FGFR1OP2: variants seen among roughly 807,000 people sequenced by gnomAD.
FGFR1OP2 encodes FGFR1 oncogene partner 2.
Under a neutral mutation model 35.2 loss-of-function variants are expected in FGFR1OP2, and 17 were observed. That is an observed-to-expected ratio of 0.48 (90% CI 0.33 to 0.73). FGFR1OP2 has a LOEUF of 0.73. Ranked by LOEUF, FGFR1OP2 falls within the 30% of genes least tolerant of loss-of-function variation. The pLI, the probability that FGFR1OP2 is intolerant of heterozygous loss-of-function variation, is 0.02. For missense variants in FGFR1OP2, 251 were observed against 307.3 expected (o/e 0.82, Z 1.37); for synonymous variants, 105 against 104.6 (o/e 1.00, Z -0.03).
At chr12:26,956,858 T>C (rs1939030051) in intron 3 of FGFR1OP2, among the ~76,000 whole-genome samples, 198 bp downstream of exon 3, 1 of 152,154 alleles carries the variant, frequency 6.6e-6, no homozygotes, top group Non-Finnish European at 1.5e-5. Flanking sequence ...TCCCACTGCA[T>C]TGGCCCCCAG....
At chr12:26,939,374 G>T (rs1938670116) in intron 1 of FGFR1OP2, among the ~76,000 whole-genome samples, 1 of 150,796 alleles carries the variant, frequency 6.6e-6, no homozygotes, top group Non-Finnish European at 1.5e-5. Context: ...TTTAGTAACC[G>T]TATTGCTGAC....
chr12:26,954,420 G>A (rs1938987354), intron 2 of FGFR1OP2, 127 bp downstream of exon 2: 1 of 1,134,278 alleles, frequency 8.8e-7, no homozygotes, highest in Non-Finnish European at 1.2e-6. Flanking sequence ...TGACTTGTGT[G>A]TTTCAGGTTT....
At chr12:26,939,281 C>A (rs1592243529) in intron 1 of FGFR1OP2, among the ~76,000 whole-genome samples, 6 of 152,096 alleles carry the variant, frequency 3.9e-5, no homozygotes, top group Admixed American at 3.3e-4. Flanking sequence ...CTCTGCCCCC[C>A]GCCCTCCACT....
chr12:26,941,748 T>G (rs1188828614), intron 1 of FGFR1OP2, among the ~76,000 whole-genome samples: 9 of 152,378 alleles, frequency 5.9e-5, no homozygotes, highest in Admixed American at 5.2e-4. Context: ...TTTTTTATTC[T>G]TTAAAATCTG....
chr12:26,948,241 A>G (rs992969992), intron 1 of FGFR1OP2, among the ~76,000 whole-genome samples: 2 of 152,236 alleles, frequency 1.3e-5, no homozygotes, highest in African/African-American at 4.8e-5. Context: ...CCAGATATTT[A>G]CAATTTCAGT....
In FGFR1OP2 at chr12:26,966,183, CATT is replaced by C. The variant is rs1221567205; in HGVS notation, c.*1453_*1455del. Reference sequence around the variant, plus strand: ...AATAGAAAAGGGCTAATGGCCCAAACATTATATAGATTTCTTTTTTTCAGTCAG... The same window carrying C: ...AATAGAAAAGGGCTAATGGCCCAAACATATAGATTTCTTTTTTTCAGTCAG... On this transcript the variant is annotated 3_prime_UTR_variant, in exon 7 of 7. Coordinates refer to ENST00000229395, the MANE Select transcript of FGFR1OP2 (RefSeq NM_015633.3). The C allele has an allele frequency of 1.3e-5, 2 of 151,936 alleles. No individual in the cohort carries two copies. The highest frequency in any genetic ancestry group is 4.8e-5 in the African/African-American group (2 of 41,390). The allele number at this position is 151,936 out of a possible 1,614,324, so 9.4% of individuals were successfully genotyped here. A position where few individuals can be genotyped will look rare whatever the true frequency, so the allele number is the denominator to read the frequency against.
intron 4 of FGFR1OP2, among the ~76,000 whole-genome samples, chr12:26,958,783 T>G (rs1246776888): frequency 1.3e-5 from 2 of 152,198 alleles, no homozygotes; most frequent in Non-Finnish European, 2.9e-5. Context: ...GAATAATCCT[T>G]TCTCACATAT....
intron 1 of FGFR1OP2, among the ~76,000 whole-genome samples, chr12:26,949,562 A>G (rs749684707): frequency 6.6e-6 from 1 of 151,752 alleles, no homozygotes; most frequent in African/African-American, 2.4e-5. Context: ...GAAATGTTTC[A>G]TGGAGTAGTA....
chr12:26,944,160 G>C (rs1293668130), intron 1 of FGFR1OP2, among the ~76,000 whole-genome samples: 1 of 152,110 alleles, frequency 6.6e-6, no homozygotes, highest in East Asian at 1.9e-4. Flanking sequence ...TCATGTAGTA[G>C]TTTTAGGAGT....
At chr12:26,941,099 A>AG (rs1938726886) in intron 1 of FGFR1OP2, among the ~76,000 whole-genome samples, 1 of 150,982 alleles carries the variant, frequency 6.6e-6, no homozygotes, top group African/African-American at 2.4e-5. Context: ...AGAAAAAAAA[A>AG]TTTTTTAACT....
intron 1 of FGFR1OP2, among the ~76,000 whole-genome samples, chr12:26,947,325 G>A (rs1938844532): frequency 6.6e-6 from 1 of 152,128 alleles, no homozygotes; most frequent in Non-Finnish European, 1.5e-5. Context: ...TTCAGTGATG[G>A]CTAGTTATGT....
chr12:26,964,791 A>T lies in FGFR1OP2; in HGVS notation c.*58A>T. ...CTCCAAATGGTCAAATAAGTGAATG[A>T]ATGAATGGACAGAAAATTCAATCCT... On this transcript the variant is annotated 3_prime_UTR_variant, in exon 7 of 7. Coordinates refer to ENST00000229395, the MANE Select transcript of FGFR1OP2 (RefSeq NM_015633.3). 6.4e-7 allele frequency: 1 copy of T among 1,559,010 alleles called. No individual in the cohort carries two copies. Among genetic ancestry groups the T allele is most frequent in the Non-Finnish European group, 8.7e-7 (1 of 1,144,712 alleles).
chr12:26,952,417 A>T (rs1318977075), intron 1 of FGFR1OP2, among the ~76,000 whole-genome samples: 1 of 151,954 alleles, frequency 6.6e-6, no homozygotes, highest in Non-Finnish European at 1.5e-5. Flanking sequence ...TACTCCTCAT[A>T]TTTTCAAGCA....
intron 2 of FGFR1OP2, 90 bp downstream of exon 2, chr12:26,954,383 A>T (rs968277290): frequency 7.0e-7 from 1 of 1,428,084 alleles, no homozygotes; most frequent in Non-Finnish European, 9.3e-7. Flanking sequence ...AATTTTTTTC[A>T]ACATTCTCTA....
At chr12:26,941,816 C>G (rs1938738820) in intron 1 of FGFR1OP2, among the ~76,000 whole-genome samples, 1 of 152,140 alleles carries the variant, frequency 6.6e-6, no homozygotes, top group Non-Finnish European at 1.5e-5. Context: ...TAAAAAATAT[C>G]TTGGATGTTC....
chr12:26,947,900 T>A (rs538675357), intron 1 of FGFR1OP2, among the ~76,000 whole-genome samples: 1 of 152,306 alleles, frequency 6.6e-6, no homozygotes, highest in African/African-American at 2.4e-5. Context: ...ATTCCTTTGT[T>A]TTGCCTTTTC....
chr12:26,953,313 GGTAAGT>G (rs1652013798), intron 1 of FGFR1OP2, among the ~76,000 whole-genome samples: 2 of 151,128 alleles, frequency 1.3e-5, no homozygotes, highest in African/African-American at 4.9e-5. Context: ...TTTCAAGGAG[GGTAAGT>G]GTAAGTTTCA....
chr12:26,949,234 C>T (rs1368830598), intron 1 of FGFR1OP2, among the ~76,000 whole-genome samples: 3 of 151,984 alleles, frequency 2.0e-5, no homozygotes, highest in African/African-American at 7.3e-5. Context: ...CTCCCAGGTA[C>T]AAGCGATTCT....
chr12:26,958,935 CCTT>C (rs1449263372), intron 4 of FGFR1OP2, among the ~76,000 whole-genome samples: 1 of 152,064 alleles, frequency 6.6e-6, no homozygotes, highest in African/African-American at 2.4e-5. Context: ...TGATTATGAG[CCTT>C]CTTTTCCCCA....
Sources: gnomAD v4.1 joint callset for allele counts (sites outside exome capture counted in the v4.1 genomes callset) on GRCh38, gnomAD v4.1.1 for gene constraint, MANE v1.5 for transcripts, NCBI Gene and HGNC (gene_info 2026-07-23, HGNC 2026-07-21) for gene names.